Variants in RUNX1 observed in about 807,000 individuals in gnomAD.
The protein encoded by RUNX1 is runt-related transcription factor 1.
RUNX1 carries 19 observed loss-of-function variants against 42.8 expected under a neutral mutation model. The ratio of observed to expected loss-of-function variants is 0.44; its 90% CI spans 0.31 to 0.65. RUNX1 has a LOEUF of 0.65. Among genes scored for constraint, RUNX1 ranks in the 30% least tolerant of loss-of-function variants. The probability of loss-of-function intolerance (pLI) is 0.07; values close to 1 mark genes in which losing one functional copy is unlikely to be tolerated. For synonymous variants in RUNX1, 271 were observed against 289.4 expected (o/e 0.94, Z 0.64); for missense variants, 528 against 672.0 (o/e 0.79, Z 2.37).
At chr21:35,026,055 C>T (rs535575749) in intron 2 of RUNX1, among the ~76,000 whole-genome samples, 1 of 152,200 alleles carries the variant, frequency 6.6e-6, no homozygotes, top group South Asian at 2.1e-4. Flanking sequence ...GCACAGGGGT[C>T]TCTTCCAAAG....
At chr21:34,987,351 C>A (rs1229046447) in intron 2 of RUNX1, among the ~76,000 whole-genome samples, 1 of 152,252 alleles carries the variant, frequency 6.6e-6, no homozygotes, top group East Asian at 1.9e-4. Context: ...GCTGCTGACA[C>A]GAGGCAGGGA....
chr21:35,010,607 C>T (rs188053833), intron 2 of RUNX1, among the ~76,000 whole-genome samples: 5 of 150,436 alleles, frequency 3.3e-5, no homozygotes, highest in Admixed American at 1.3e-4. Context: ...AGTCACACTA[C>T]CGTGAGTACA....
At chr21:34,858,025 G>A (rs932195716) in intron 6 of RUNX1, among the ~76,000 whole-genome samples, 1 of 152,202 alleles carries the variant, frequency 6.6e-6, no homozygotes, top group Admixed American at 6.5e-5. Context: ...GATCTGGAGG[G>A]AGTCACCGAG....
chr21:35,049,078 C>T (rs1031712726), intron 1 of RUNX1, 90 bp downstream of exon 1: 14 of 608,712 alleles, frequency 2.3e-5, no homozygotes, highest in Middle Eastern at 4.5e-4. Flanking sequence ...TTAAAAAATG[C>T]ACCTTTGTAA....
intron 8 of RUNX1, among the ~76,000 whole-genome samples, chr21:34,793,615 T>TC (rs1013815229): frequency 6.6e-6 from 1 of 152,212 alleles, no homozygotes; most frequent in African/African-American, 2.4e-5. Flanking sequence ...ACTCATTCTT[T>TC]CATGTACTGC....
intron 2 of RUNX1, among the ~76,000 whole-genome samples, chr21:34,983,736 T>C (rs1320786694): frequency 6.6e-6 from 1 of 152,074 alleles, no homozygotes; most frequent in Non-Finnish European, 1.5e-5. Flanking sequence ...GGGAAAATGG[T>C]TTGAGACTCA....
intron 2 of RUNX1, among the ~76,000 whole-genome samples, chr21:34,927,644 T>C (rs984167664): frequency 1.3e-5 from 2 of 152,218 alleles, no homozygotes; most frequent in African/African-American, 4.8e-5. Context: ...ACTTTGGACA[T>C]GGATGGAAGC....
At position 34,789,687 on chromosome 21, in the gene RUNX1, A is replaced by G. The variant is rs1568998733; in HGVS notation, c.*2448T>C. 2 of 233,202 alleles carry G rather than the reference A, an allele frequency of 8.6e-6. No individual in the cohort carries two copies. Among genetic ancestry groups the G allele is most frequent in the Admixed American group, 5.6e-5 (1 of 17,778 alleles). The allele number at this position is 233,202 out of a possible 1,614,324, so 14.4% of individuals were successfully genotyped here. On this transcript the variant is annotated 3_prime_UTR_variant, in exon 9 of 9. Transcript: ENST00000675419. ...GTTTGATTTTTTTTGAAACAATTAA[A>G]TACTATATATGCTGGTAAGAGTCTG...
intron 2 of RUNX1, among the ~76,000 whole-genome samples, chr21:34,944,035 G>C (rs2058547247): frequency 6.6e-6 from 1 of 152,078 alleles, no homozygotes; most frequent in African/African-American, 2.4e-5. Flanking sequence ...TAAAGATGAG[G>C]TCTTGCTCTG....
chr21:34,805,141 A>G (rs1414635037), intron 7 of RUNX1, among the ~76,000 whole-genome samples: 2 of 152,214 alleles, frequency 1.3e-5, no homozygotes, highest in African/African-American at 4.8e-5. Context: ...ACAGAACATG[A>G]CAAAGCAAAG....
intron 6 of RUNX1, chr21:34,856,345 C>T (rs2057494735): frequency 3.9e-6 from 2 of 518,956 alleles, no homozygotes; most frequent in Non-Finnish European, 7.7e-6. Flanking sequence ...ACCATTTGCC[C>T]TTCTATAATA....
At chr21:34,959,016 C>T (rs2058665051) in intron 2 of RUNX1, among the ~76,000 whole-genome samples, 1 of 149,508 alleles carries the variant, frequency 6.7e-6, no homozygotes, top group Non-Finnish European at 1.5e-5. Flanking sequence ...CACATGGACA[C>T]AGGAAGGGGA....
chr21:34,887,368 G>A (rs1249776294), intron 3 of RUNX1: 8 of 1,423,992 alleles, frequency 5.6e-6, no homozygotes, highest in Non-Finnish European at 7.3e-6. Context: ...CGATTGCTTA[G>A]TGCATTAAAA....
intron 7 of RUNX1, among the ~76,000 whole-genome samples, chr21:34,832,757 A>T (rs942859165): frequency 1.4e-5 from 2 of 147,864 alleles, no homozygotes; most frequent in African/African-American, 2.7e-5. Flanking sequence ...TTTGGAATTT[A>T]AAAAAAATCA....
At chr21:34,842,737 G>A (rs1044282086) in intron 6 of RUNX1, among the ~76,000 whole-genome samples, 2 of 151,840 alleles carry the variant, frequency 1.3e-5, no homozygotes, top group East Asian at 3.9e-4. Context: ...AGACATGCAT[G>A]GACAAACATA....
intron 2 of RUNX1, among the ~76,000 whole-genome samples, chr21:34,980,488 C>T (rs185954993): frequency 2.5e-4 from 38 of 152,288 alleles, no homozygotes; most frequent in Non-Finnish European, 4.9e-4. Context: ...ACACTTTTCC[C>T]GAAATCTCTC....
intron 7 of RUNX1, chr21:34,821,813 C>A: frequency 1.2e-6 from 1 of 842,242 alleles, no homozygotes; most frequent in South Asian, 2.9e-5. Context: ...ATGAGGAAAT[C>A]AGGAAGAGAT....
chr21:34,967,137 A>G lies in RUNX1; in HGVS notation c.59-74174T>C, dbSNP rs566898050. Among the ~76,000 whole-genome samples, 6 of 151,296 alleles carry G rather than the reference A, an allele frequency of 4.0e-5. No homozygotes were observed. In the South Asian group the frequency reaches 1.1e-3, roughly 27 times the overall value. ...AGATCGAGACCAGCCTGGCCAACAT[A>G]GTGAAACCCTATCTCTACTAAAAAT... On this transcript the variant is annotated intron_variant, in intron 2 of 8. Coordinates refer to ENST00000675419, the MANE Select transcript of RUNX1 (RefSeq NM_001754.5).
At chr21:34,911,069 TATTTC>T (rs932143848) in intron 2 of RUNX1, among the ~76,000 whole-genome samples, 1 of 152,160 alleles carries the variant, frequency 6.6e-6, no homozygotes, top group Non-Finnish European at 1.5e-5. Context: ...TATCGCATAA[TATTTC>T]AGTAAAAGGC....
Sources: gnomAD v4.1 joint callset for allele counts (sites outside exome capture counted in the v4.1 genomes callset) on GRCh38, gnomAD v4.1.1 for gene constraint, MANE v1.5 for transcripts, NCBI Gene and HGNC (gene_info 2026-07-23, HGNC 2026-07-21) for gene names.